The following CA5A variants were observed in gnomAD, a reference collection of about 807,000 sequenced individuals.
CA5A encodes carbonic anhydrase 5A, mitochondrial.
Under a neutral mutation model 37.1 loss-of-function variants are expected in CA5A, and 28 were observed. That is an observed-to-expected ratio of 0.75 (90% confidence interval 0.56 to 1.03). The LOEUF (loss-of-function observed/expected upper bound fraction) is 1.03. Among genes scored for constraint, CA5A ranks in the 50% least tolerant of loss-of-function variants. The pLI is 0.00. For missense variants in CA5A, 444 were observed against 399.9 expected (o/e 1.11, Z -0.94); for synonymous variants, 171 against 158.4 (o/e 1.08, Z -0.60).
intron 3 of CA5A, among the ~76,000 whole-genome samples, chr16:87,903,018 C>G (rs1771799481): frequency 6.6e-6 from 1 of 151,338 alleles, no homozygotes; most frequent in Non-Finnish European, 1.5e-5. Flanking sequence ...CAGGAAGGAA[C>G]AGCCTCAGTC....
intron 5 of CA5A, among the ~76,000 whole-genome samples, chr16:87,894,235 C>A (rs2055768803): frequency 6.6e-6 from 1 of 152,122 alleles, no homozygotes; most frequent in Admixed American, 6.6e-5. Context: ...ACACAGCCCT[C>A]ATCAGCGTCC....
chr16:87,932,550 C>T (rs1037330274), intron 1 of CA5A, among the ~76,000 whole-genome samples: 7 of 152,214 alleles, frequency 4.6e-5, no homozygotes, highest in African/African-American at 9.6e-5. Flanking sequence ...TGCCCAGCAA[C>T]GTAGGTTCTG....
intron 2 of CA5A, among the ~76,000 whole-genome samples, chr16:87,915,689 C>CAAA (rs10593708): frequency 8.4e-5 from 7 of 83,616 alleles, no homozygotes; most frequent in Admixed American, 6.1e-4. Context: ...ATCCTGTCTC[C>CAAA]AAAAAAAAAA....
At chr16:87,890,720 A>G (rs1004428507) in intron 6 of CA5A, among the ~76,000 whole-genome samples, 1 of 152,092 alleles carries the variant, frequency 6.6e-6, no homozygotes, top group African/African-American at 2.4e-5. Context: ...GGTTCAAGTG[A>G]TTCTCCTACC....
chr16:87,910,653 C>T (rs56396314), intron 2 of CA5A, among the ~76,000 whole-genome samples: 22,916 of 152,104 alleles, frequency 0.15, 1,978 homozygotes, highest in South Asian at 0.25. Context: ...TCTCGGCTCA[C>T]TTCAACCTCT....
chr16:87,916,235 C>A (rs1449756985), intron 2 of CA5A, among the ~76,000 whole-genome samples: 3 of 151,768 alleles, frequency 2.0e-5, no homozygotes, highest in Non-Finnish European at 2.9e-5. Context: ...AATCCCAGCA[C>A]TTTGGGAGGC....
At chr16:87,898,552 G>C (rs895924738) in intron 5 of CA5A, among the ~76,000 whole-genome samples, 1 of 152,200 alleles carries the variant, frequency 6.6e-6, no homozygotes, top group African/African-American at 2.4e-5. Context: ...TTTAACCTTA[G>C]TGATTGGGCT....
intron 6 of CA5A, among the ~76,000 whole-genome samples, chr16:87,889,973 T>G (rs2055690164): frequency 6.6e-6 from 1 of 152,190 alleles, no homozygotes. Flanking sequence ...GCGCGCATGG[T>G]GCACGTGGCC....
intron 6 of CA5A, among the ~76,000 whole-genome samples, chr16:87,890,609 T>C (rs945987363): frequency 2.2e-4 from 33 of 152,160 alleles, no homozygotes; most frequent in Admixed American, 1.6e-3. Context: ...GTATAACTTT[T>C]ATTTATTTTT....
At chr16:87,898,649 T>G (rs1484580916) in intron 5 of CA5A, among the ~76,000 whole-genome samples, 4 of 152,110 alleles carry the variant, frequency 2.6e-5, no homozygotes, top group African/African-American at 9.7e-5. Context: ...CAGCTGGGCC[T>G]TAAACTCAAC....
At chr16:87,931,251 A>G (rs1465388802) in intron 1 of CA5A, among the ~76,000 whole-genome samples, 2 of 151,082 alleles carry the variant, frequency 1.3e-5, no homozygotes, top group African/African-American at 4.9e-5. Flanking sequence ...AGCTGGGATT[A>G]CAGGTGCCTA....
intron 1 of CA5A, among the ~76,000 whole-genome samples, chr16:87,935,978 C>G (rs1300541729): frequency 6.6e-6 from 1 of 152,058 alleles, no homozygotes; most frequent in African/African-American, 2.4e-5. Context: ...CGAGACCAAC[C>G]TGGCTAACAC....
intron 5 of CA5A, chr16:87,893,146 C>CTTT: frequency 1.3e-5 from 5 of 386,230 alleles, no homozygotes; most frequent in South Asian, 9.4e-5. Context: ...TTCTTTCTTT[C>CTTT]TTTTTTTTTT....
chr16:87,903,425 T>A (rs2055909894), intron 3 of CA5A, among the ~76,000 whole-genome samples: 1 of 152,048 alleles, frequency 6.6e-6, no homozygotes, highest in Admixed American at 6.6e-5. Context: ...GGCAACAGAG[T>A]GATACTCAGT....
chr16:87,905,251 C>T (rs6540102), intron 2 of CA5A, among the ~76,000 whole-genome samples: 21,512 of 151,964 alleles, frequency 0.14, 2,308 homozygotes, highest in African/African-American at 0.3. Flanking sequence ...GATTTCCAGA[C>T]TTTAATTAAA....
intron 2 of CA5A, among the ~76,000 whole-genome samples, chr16:87,922,550 C>T (rs568414233): frequency 4.6e-5 from 7 of 152,342 alleles, no homozygotes; most frequent in African/African-American, 9.6e-5. Flanking sequence ...CCTGCTCCAC[C>T]GCCAACAGGG....
At chr16:87,920,031 G>A (rs1364851598) in intron 2 of CA5A, among the ~76,000 whole-genome samples, 1 of 152,144 alleles carries the variant, frequency 6.6e-6, no homozygotes, top group African/African-American at 2.4e-5. Context: ...GACTCAGGAG[G>A]GCCGGGCTTA....
intron 1 of CA5A, among the ~76,000 whole-genome samples, chr16:87,929,687 A>G (rs12933509): frequency 2.0e-5 from 3 of 151,316 alleles, no homozygotes; most frequent in Non-Finnish European, 4.4e-5. Context: ...CCTGGCTAAC[A>G]CCGTGAAACC....
In CA5A at chr16:87,888,270, G is replaced by C. The variant is rs762128732; in HGVS notation, c.777C>G (p.Leu259=). 39 of 1,612,468 alleles carry C rather than the reference G, an allele frequency of 2.4e-5. No homozygotes were observed. In the Admixed American group the frequency reaches 5.2e-4, roughly 21 times the overall value. Residue 259 remains leucine (L), a splice_region_variant and synonymous_variant, in exon 7 of 7, where the codon CTC becomes CTG. Transcript: ENST00000649794. The part of the protein sequence containing the change: ...KEPVEVAPSQ[L]SAFRTLLFSA... ...AAAACAGGAGAGTACGAAATGCAGA[G>C]AGCTGGAATAGAGGGCAGCCAGGGT...
Sources: gnomAD v4.1 joint callset for allele counts (sites outside exome capture counted in the v4.1 genomes callset) on GRCh38, gnomAD v4.1.1 for gene constraint, MANE v1.5 for transcripts, NCBI Gene and HGNC (gene_info 2026-07-23, HGNC 2026-07-21) for gene names.